Variants in DROSHA observed in about 807,000 individuals in gnomAD.
DROSHA encodes the protein ribonuclease 3.
DROSHA carries 56 observed loss-of-function variants against 181.9 expected under a neutral mutation model. The ratio of observed to expected loss-of-function variants is 0.31; its 90% CI spans 0.25 to 0.38. The LOEUF (loss-of-function observed/expected upper bound fraction) is 0.38. Among genes scored for constraint, DROSHA ranks in the 10% least tolerant of loss-of-function variants. DROSHA has a pLI of 1.00. For missense variants in DROSHA, 1,218 were observed against 1,743.5 expected (o/e 0.70, Z 5.37); for synonymous variants, 524 against 591.2 (o/e 0.89, Z 1.65).
Position 31,515,687 on chromosome 5 carries a change from T to C in DROSHA, c.948-123A>G, listed in dbSNP as rs931981024. On this transcript the variant is annotated intron_variant, in intron 6 of 35. Transcript: ENST00000344624. Reference sequence around the variant, plus strand: ...TGCCAGGAAAAAAAGATTTTAAGACTTCACAAAACAGGGTCTCAATATGGC... The same window carrying C: ...TGCCAGGAAAAAAAGATTTTAAGACCTCACAAAACAGGGTCTCAATATGGC... 3 of 1,349,292 alleles carry C rather than the reference T, an allele frequency of 2.2e-6. No individual in the cohort carries two copies. In the African/African-American group the frequency reaches 4.4e-5, roughly 20 times the overall value. 83.6% of individuals were successfully genotyped at this position (1,349,292 alleles called of 1,614,324 possible).
intron 20 of DROSHA, among the ~76,000 whole-genome samples, chr5:31,459,070 CA>C (rs1748038498): frequency 6.6e-6 from 1 of 152,122 alleles, no homozygotes; most frequent in Admixed American, 6.5e-5. Flanking sequence ...GATCCAAATT[CA>C]AACAGACTAA....
chr5:31,444,219 G>A (rs1008286281), intron 23 of DROSHA, among the ~76,000 whole-genome samples: 2 of 152,168 alleles, frequency 1.3e-5, no homozygotes, highest in African/African-American at 4.8e-5. Context: ...TGGACTGATA[G>A]CTGATAGCAG....
At chr5:31,413,783 C>A (rs2149990354) in intron 30 of DROSHA, among the ~76,000 whole-genome samples, 1 of 152,340 alleles carries the variant, frequency 6.6e-6, no homozygotes, top group East Asian at 1.9e-4. Flanking sequence ...TGGAGGAGGG[C>A]TGACATTTGA....
In DROSHA at chr5:31,401,504, C is replaced by T. The variant is rs896515701; in HGVS notation, c.4053G>A (p.Glu1351=). Residue 1351 remains glutamate, a synonymous_variant, in exon 36 of 36, where the codon GAG becomes GAA. Coordinates refer to ENST00000344624, the MANE Select transcript of DROSHA (RefSeq NM_001382508.1). ...CTCTTTCCCACCTCATTTCTTTTAACTCTTGTCTGTACTTCCGTTCGATGA... is the reference window on the plus strand; with the variant it reads ...CTCTTTCCCACCTCATTTCTTTTAATTCTTGTCTGTACTTCCGTTCGATGA... ...KRFIERKYRQ[E]LKEMRWEREH... is the part of the protein sequence containing the mutation. 52 of 1,612,680 alleles carry T rather than the reference C, an allele frequency of 3.2e-5. No individual in the cohort carries two copies. Among genetic ancestry groups the T allele is most frequent in the Non-Finnish European group, 4.2e-5 (49 of 1,179,256 alleles).
Position 31,466,124 on chromosome 5 carries a change from C to T in DROSHA, c.2466+58G>A, listed in dbSNP as rs145566059. On this transcript the variant is annotated intron_variant, in intron 19 of 35. Transcript: ENST00000344624. Reference sequence around the variant, plus strand: ...GAAGTATAGTGTGATACAACAATCACGAAATAAACCTGAAGCACATCATCG... The same window carrying T: ...GAAGTATAGTGTGATACAACAATCATGAAATAAACCTGAAGCACATCATCG... 2.2e-4 allele frequency: 334 copies of T among 1,552,634 alleles called. No homozygotes were observed. The East Asian group carries it at 4.3e-3, about 20-fold the overall frequency.
chr5:31,410,634 C>A, intron 31 of DROSHA, 112 bp downstream of exon 31: 2 of 1,411,792 alleles, frequency 1.4e-6, no homozygotes, highest in Admixed American at 2.5e-5. Flanking sequence ...ATTAAAATAG[C>A]AAACAAGGTT....
chr5:31,441,693 C>T (rs1006144783), intron 23 of DROSHA, among the ~76,000 whole-genome samples: 6 of 152,188 alleles, frequency 3.9e-5, no homozygotes, highest in Admixed American at 3.3e-4. Flanking sequence ...ACAATGTTAA[C>T]TCCTAAGTCC....
chr5:31,443,929 G>A (rs1745954971), intron 23 of DROSHA, among the ~76,000 whole-genome samples: 1 of 152,118 alleles, frequency 6.6e-6, no homozygotes, highest in South Asian at 2.1e-4. Flanking sequence ...AGAACAGGGA[G>A]AAAAAACATG....
chr5:31,442,868 G>C (rs1745761605), intron 23 of DROSHA, among the ~76,000 whole-genome samples: 2 of 152,004 alleles, frequency 1.3e-5, no homozygotes, highest in Non-Finnish European at 2.9e-5. Flanking sequence ...AGATCCAGTA[G>C]ATCTCAGATC....
At chr5:31,468,854 T>C (rs1749416106) in intron 17 of DROSHA, among the ~76,000 whole-genome samples, 1 of 152,156 alleles carries the variant, frequency 6.6e-6, no homozygotes, top group African/African-American at 2.4e-5. Flanking sequence ...CTAAGGCTGT[T>C]AAAACTGATT....
rs746523039 is a variant in DROSHA, at chr5:31,508,571, C to G, written c.1587+50G>C. The G allele has an allele frequency of 1.1e-5, 17 of 1,611,202 alleles. No homozygotes were observed. In the South Asian group the frequency reaches 1.6e-4, roughly 16 times the overall value. On this transcript the variant is annotated intron_variant, in intron 10 of 35. Coordinates refer to ENST00000344624, the MANE Select transcript of DROSHA (RefSeq NM_001382508.1). ...TATCTTCTGAGCCCAGAGCAATAAC[C>G]GTTATGTCTGGGTTTGCAACCTTCA...
At chr5:31,473,659 A>G (rs1394048460) in intron 16 of DROSHA, among the ~76,000 whole-genome samples, 1 of 152,234 alleles carries the variant, frequency 6.6e-6, no homozygotes, top group Non-Finnish European at 1.5e-5. Context: ...AAACAGGACA[A>G]GGAACTAGAG....
At chr5:31,524,101 A>G (rs1182390800) in intron 5 of DROSHA, among the ~76,000 whole-genome samples, 3 of 152,100 alleles carry the variant, frequency 2.0e-5, no homozygotes, top group Non-Finnish European at 4.4e-5. Flanking sequence ...AAAGTCTACC[A>G]ACTCTCACTC....
chr5:31,501,767 C>T (rs1268682087), intron 11 of DROSHA, among the ~76,000 whole-genome samples: 1 of 152,162 alleles, frequency 6.6e-6, no homozygotes, highest in Non-Finnish European at 1.5e-5. Flanking sequence ...AAATGAGGAT[C>T]AGAATGGTTC....
chr5:31,526,794 G>C lies in DROSHA; in HGVS notation c.139C>G (p.Pro47Ala). ...QNLRLLHPQQ[P>A]PVQYQYEPPS... ...GGTTCATATTGATATTGCACAGGAGGCTGCTGAGGGTGAAGCAGCCTCAGA... is the reference window on the plus strand; with the variant it reads ...GGTTCATATTGATATTGCACAGGAGCCTGCTGAGGGTGAAGCAGCCTCAGA... Residue 47 changes from proline (P) to alanine (A), a missense_variant, in exon 5 of 36, where the codon CCT (proline) becomes GCT (alanine). Pro to Ala is a conservative substitution (Grantham distance 27). Transcript: ENST00000344624. 1 of 1,610,010 alleles carries C rather than the reference G, an allele frequency of 6.2e-7. No individual in the cohort carries two copies. Among genetic ancestry groups the C allele is most frequent in the South Asian group, 1.1e-5 (1 of 90,430 alleles).
At chr5:31,523,719 A>G (rs1740170534) in intron 5 of DROSHA, among the ~76,000 whole-genome samples, 1 of 152,190 alleles carries the variant, frequency 6.6e-6, no homozygotes, top group African/African-American at 2.4e-5. Context: ...TCACACATGT[A>G]ATCCCAGCAC....
Position 31,406,838 on chromosome 5 carries a change from A to C in DROSHA, c.3947+15T>G. ...ATGTTCATTCAAAGCAATTCCAGGTATTCTCTTCTCATACCTTGGTCCTTT... is the reference window on the plus strand; with the variant it reads ...ATGTTCATTCAAAGCAATTCCAGGTCTTCTCTTCTCATACCTTGGTCCTTT... On this transcript the variant is annotated intron_variant, in intron 34 of 35. Transcript: ENST00000344624. 1 of 1,610,272 alleles carries C rather than the reference A, an allele frequency of 6.2e-7. No homozygotes were observed. Among genetic ancestry groups the C allele is most frequent in the Non-Finnish European group, 8.5e-7 (1 of 1,177,030 alleles).
chr5:31,491,285 C>A (rs749661561), intron 13 of DROSHA, among the ~76,000 whole-genome samples: 1 of 150,658 alleles, frequency 6.6e-6, no homozygotes, highest in Non-Finnish European at 1.5e-5. Flanking sequence ...GTGCCAAACA[C>A]CATGGTAAAC....
intron 27 of DROSHA, among the ~76,000 whole-genome samples, chr5:31,426,131 A>G (rs1743439132): frequency 6.6e-6 from 1 of 151,844 alleles, no homozygotes; most frequent in Admixed American, 6.6e-5. Flanking sequence ...GCTGCCACCC[A>G]TCTTGGTGTA....
Sources: gnomAD v4.1 joint callset for allele counts (sites outside exome capture counted in the v4.1 genomes callset) on GRCh38, gnomAD v4.1.1 for gene constraint, MANE v1.5 for transcripts, NCBI Gene and HGNC (gene_info 2026-07-23, HGNC 2026-07-21) for gene names.